MEI4: variants seen among roughly 807,000 people sequenced by gnomAD.
The protein encoded by MEI4 is meiotic double-stranded break formation protein 4, also known as meiosis-specific protein MEI4.
In MEI4, 27 loss-of-function variants were observed where a neutral mutation model predicts 31.4. The ratio of observed to expected loss-of-function variants is 0.86; its 90% CI spans 0.63 to 1.19. The LOEUF (loss-of-function observed/expected upper bound fraction) is 1.19. Ranked by LOEUF, MEI4 falls within the 50% of genes most tolerant of loss-of-function variation. The probability of loss-of-function intolerance (pLI) is 0.00; values close to 1 mark genes in which losing one functional copy is unlikely to be tolerated. For missense variants in MEI4, 329 were observed against 398.9 expected (o/e 0.82, Z 1.49); for synonymous variants, 122 against 145.4 (o/e 0.84, Z 1.16).
At chr6:77,908,323 G>A (rs542575643) in intron 4 of MEI4, among the ~76,000 whole-genome samples, 2 of 152,086 alleles carry the variant, frequency 1.3e-5, no homozygotes, top group African/African-American at 4.8e-5. Context: ...ATTAATTTTT[G>A]TATAAGGTGT....
At chr6:77,907,067 A>C (rs1223050794) in intron 4 of MEI4, among the ~76,000 whole-genome samples, 2 of 151,970 alleles carry the variant, frequency 1.3e-5, no homozygotes, top group Non-Finnish European at 2.9e-5. Context: ...TAAACTGAAA[A>C]CTTTATTTTG....
chr6:77,874,690 C>G (rs1771286374), intron 4 of MEI4, among the ~76,000 whole-genome samples: 1 of 152,070 alleles, frequency 6.6e-6, no homozygotes, highest in Non-Finnish European at 1.5e-5. Flanking sequence ...TGCCAGTTTT[C>G]AAAGGGAATG....
chr6:77,762,145 T>C (rs1179459589), intron 3 of MEI4, among the ~76,000 whole-genome samples: 4 of 152,212 alleles, frequency 2.6e-5, no homozygotes, highest in African/African-American at 9.6e-5. Context: ...AGAATATTTT[T>C]CTCTTCTTTT....
At chr6:77,772,597 A>G (rs550237293) in intron 3 of MEI4, among the ~76,000 whole-genome samples, 36 of 152,212 alleles carry the variant, frequency 2.4e-4, no homozygotes, top group Middle Eastern at 6.8e-3. Context: ...CATATTTGAC[A>G]GAGCCACAGC....
intron 4 of MEI4, among the ~76,000 whole-genome samples, chr6:77,864,549 C>A (rs1483875125): frequency 6.6e-6 from 1 of 152,166 alleles, no homozygotes; most frequent in African/African-American, 2.4e-5. Context: ...AATATATATG[C>A]ACCCAATACA....
At chr6:77,791,679 A>G (rs1471635551) in intron 3 of MEI4, among the ~76,000 whole-genome samples, 1 of 83,020 alleles carries the variant, frequency 1.2e-5, no homozygotes, top group African/African-American at 3.8e-5. Flanking sequence ...CTTAAAGTAT[A>G]AAAAAAAAAA....
chr6:77,803,180 C>CT (rs1389672965), intron 3 of MEI4, among the ~76,000 whole-genome samples: 14 of 152,240 alleles, frequency 9.2e-5, no homozygotes, highest in African/African-American at 2.9e-4. Context: ...TCTTTTTATA[C>CT]TTTTTTCTCT....
At chr6:77,873,604 T>C (rs1232144409) in intron 4 of MEI4, among the ~76,000 whole-genome samples, 1 of 152,240 alleles carries the variant, frequency 6.6e-6, no homozygotes, top group East Asian at 1.9e-4. Context: ...AGCTCTTTAG[T>C]TGAATTAGAT....
rs77502626 is a variant in MEI4, at chr6:77,916,200, T to G, written c.901-6889T>G. On this transcript the variant is annotated intron_variant, in intron 4 of 4. Coordinates refer to ENST00000684080, the MANE Select transcript of MEI4 (RefSeq NM_001322247.2). ...CTTTGTATTGTCTATCTGTGTTCTA[T>G]CTCACTGAGCTTTTTTTAAAATTGA... is the stretch of plus-strand genomic sequence containing the variant. Among the ~76,000 whole-genome samples, 751 of 152,204 alleles carry G rather than the reference T, an allele frequency of 4.9e-3. 4 individuals carry two copies. The highest frequency in any genetic ancestry group is 0.017 in the African/African-American group (726 of 41,550).
chr6:77,898,742 G>A (rs1201805236), intron 4 of MEI4, among the ~76,000 whole-genome samples: 1 of 151,800 alleles, frequency 6.6e-6, no homozygotes, highest in Non-Finnish European at 1.5e-5. Flanking sequence ...ACTACAAGTT[G>A]AACCTCAAAT....
At chr6:77,910,110 G>A (rs1380779876) in intron 4 of MEI4, among the ~76,000 whole-genome samples, 65 of 152,124 alleles carry the variant, frequency 4.3e-4, no homozygotes. Context: ...CATACTGAAT[G>A]GGCAAAAACT....
intron 3 of MEI4, among the ~76,000 whole-genome samples, chr6:77,783,784 C>A (rs550654428): frequency 3.3e-5 from 5 of 152,082 alleles, no homozygotes; most frequent in African/African-American, 1.2e-4. Context: ...CAAATAAAAT[C>A]AAATCAACTC....
At chr6:77,796,109 T>G (rs1184649320) in intron 3 of MEI4, among the ~76,000 whole-genome samples, 4 of 152,130 alleles carry the variant, frequency 2.6e-5, no homozygotes, top group Non-Finnish European at 5.9e-5. Context: ...ATAACCACAT[T>G]AACAGAATGA....
intron 3 of MEI4, among the ~76,000 whole-genome samples, chr6:77,794,158 A>G (rs1008173767): frequency 2.0e-5 from 3 of 152,236 alleles, no homozygotes; most frequent in African/African-American, 7.2e-5. Flanking sequence ...GGCTATACTT[A>G]CATCAGACAA....
At chr6:77,811,991 A>C (rs186100582) in intron 3 of MEI4, among the ~76,000 whole-genome samples, 2 of 152,270 alleles carry the variant, frequency 1.3e-5, no homozygotes, top group East Asian at 3.9e-4. Flanking sequence ...TATAGTACAT[A>C]AAGTGATGTA....
chr6:77,799,856 C>T (rs1769197467), intron 3 of MEI4, among the ~76,000 whole-genome samples: 1 of 152,078 alleles, frequency 6.6e-6, no homozygotes, highest in Non-Finnish European at 1.5e-5. Flanking sequence ...TCGTCTATAT[C>T]TCTGCTTTGG....
At chr6:77,665,437 G>T (rs929370423) in intron 1 of MEI4, among the ~76,000 whole-genome samples, 2 of 151,012 alleles carry the variant, frequency 1.3e-5, no homozygotes, top group Non-Finnish European at 3.0e-5. Flanking sequence ...GGGACTTGCC[G>T]CTAAGGGTGA....
intron 2 of MEI4, among the ~76,000 whole-genome samples, chr6:77,734,565 C>T (rs1767123280): frequency 6.6e-6 from 1 of 152,018 alleles, no homozygotes; most frequent in Non-Finnish European, 1.5e-5. Flanking sequence ...GAATACAGCA[C>T]ACTGATGGGT....
intron 1 of MEI4, among the ~76,000 whole-genome samples, chr6:77,659,007 G>T (rs950068891): frequency 7.2e-5 from 11 of 152,242 alleles, no homozygotes; most frequent in African/African-American, 2.6e-4. Flanking sequence ...GGCCTCGGCG[G>T]TTTTGGAGGA....
Sources: allele counts gnomAD v4.1 joint callset (sites outside exome capture counted in the v4.1 genomes callset), GRCh38; gene constraint gnomAD v4.1.1; transcripts MANE v1.5; gene names NCBI Gene and HGNC (gene_info 2026-07-23, HGNC 2026-07-21).